Variants in FBN1 observed in about 807,000 individuals in gnomAD.
FBN1 encodes the protein fibrillin 1.
A neutral mutation model predicts 365.1 loss-of-function variants in FBN1; 29 were observed. The observed-to-expected ratio is 0.08, with a 90% CI of 0.06 to 0.11. The LOEUF (loss-of-function observed/expected upper bound fraction) is 0.11. Among genes scored for constraint, FBN1 ranks in the 10% least tolerant of loss-of-function variants. The pLI, the probability that FBN1 is intolerant of heterozygous loss-of-function variation, is 1.00. For missense variants in FBN1, 2,476 were observed against 3,703.2 expected (o/e 0.67, Z 8.60); for synonymous variants, 1,210 against 1,270.5 (o/e 0.95, Z 1.01).
chr15:48,558,665 GCAGA>G (rs1286433391), intron 6 of FBN1, among the ~76,000 whole-genome samples: 2 of 152,152 alleles, frequency 1.3e-5, no homozygotes, highest in Non-Finnish European at 2.9e-5. Flanking sequence ...TATATGAATA[GCAGA>G]CAGATCAGAT....
At chr15:48,560,614 G>A (rs543628095) in intron 6 of FBN1, among the ~76,000 whole-genome samples, 13 of 152,180 alleles carry the variant, frequency 8.5e-5, no homozygotes, top group Admixed American at 2.0e-4. Context: ...TGTTGGCTTT[G>A]TAAGTATTCC....
chr15:48,630,154 G>C (rs1252665563), intron 2 of FBN1, among the ~76,000 whole-genome samples: 1 of 152,162 alleles, frequency 6.6e-6, no homozygotes, highest in Non-Finnish European at 1.5e-5. Context: ...GGTCCTTTTT[G>C]ACATGATTCA....
chr15:48,512,739 T>A (rs2043770872), intron 13 of FBN1, among the ~76,000 whole-genome samples: 1 of 152,136 alleles, frequency 6.6e-6, no homozygotes, highest in Non-Finnish European at 1.5e-5. Flanking sequence ...TGGGCCCTTT[T>A]ATTTAACTTT....
At chr15:48,568,037 GAAAGAAAGAAAGAAGA>G (rs1431211481) in intron 6 of FBN1, among the ~76,000 whole-genome samples, 4 of 70,888 alleles carry the variant, frequency 5.6e-5, no homozygotes, top group South Asian at 4.1e-4. Flanking sequence ...AAGAAAGAAA[GAAAGAAAGAAAGAAGA>G]AAGAAAGAAA....
chr15:48,560,159 G>C (rs956682999), intron 6 of FBN1, among the ~76,000 whole-genome samples: 1 of 152,034 alleles, frequency 6.6e-6, no homozygotes, highest in Non-Finnish European at 1.5e-5. Flanking sequence ...CTGAAACCAC[G>C]CTACGTGTAC....
intron 55 of FBN1, among the ~76,000 whole-genome samples, chr15:48,432,292 A>G (rs1372706908): frequency 1.3e-5 from 2 of 152,232 alleles, no homozygotes; most frequent in Non-Finnish European, 1.5e-5. Context: ...AGATATTGAC[A>G]GGAGCAAATC....
intron 4 of FBN1, among the ~76,000 whole-genome samples, chr15:48,609,248 C>A (rs143927830): frequency 3.0e-4 from 45 of 152,310 alleles, no homozygotes; most frequent in African/African-American, 9.6e-4. Context: ...TGACACCAAG[C>A]TGAGATCAAG....
chr15:48,464,237 A>G (rs558400572), intron 40 of FBN1, among the ~76,000 whole-genome samples: 112 of 152,318 alleles, frequency 7.4e-4, no homozygotes, highest in Non-Finnish European at 1.2e-3. Flanking sequence ...TTGGCTGGGC[A>G]TGGCGGCTCA....
chr15:48,638,074 G>A (rs369627236), intron 2 of FBN1, among the ~76,000 whole-genome samples: 91 of 148,104 alleles, frequency 6.1e-4, no homozygotes, highest in African/African-American at 2.1e-3. Flanking sequence ...TTGTTCTGTC[G>A]CCCAGGCTAG....
intron 63 of FBN1, among the ~76,000 whole-genome samples, chr15:48,418,531 C>T (rs1374629767): frequency 6.6e-6 from 1 of 152,178 alleles, no homozygotes; most frequent in Non-Finnish European, 1.5e-5. Flanking sequence ...TGTGCACTCG[C>T]CCTTTTTATC....
chr15:48,528,618 G>A (rs74011850), intron 8 of FBN1, among the ~76,000 whole-genome samples: 10,942 of 152,164 alleles, frequency 0.072, 1,374 homozygotes, highest in African/African-American at 0.25. Context: ...TTTAGGGTGG[G>A]TGTGGGGAGT....
In FBN1 at chr15:48,600,182, G is replaced by A. The variant is rs363850; in HGVS notation, c.399C>T (p.His133=). The part of the protein sequence containing the change: ...CMNGGSCSDD[H]CLCQKGYIGT... ...CTATGTATCCTTTCTGGCATAGACAGTGATCGTCACTGCAGCTACCTCCAT... is the reference window on the plus strand; with the variant it reads ...CTATGTATCCTTTCTGGCATAGACAATGATCGTCACTGCAGCTACCTCCAT... Residue 133 remains histidine (H), a synonymous_variant, in exon 5 of 66, where the codon CAC becomes CAT. Coordinates refer to ENST00000316623, the MANE Select transcript of FBN1 (RefSeq NM_000138.5). 8 of 1,613,914 alleles carry A rather than the reference G, an allele frequency of 5.0e-6. No homozygotes were observed. Among genetic ancestry groups the A allele is most frequent in the South Asian group, 1.1e-5 (1 of 91,074 alleles).
intron 6 of FBN1, among the ~76,000 whole-genome samples, chr15:48,589,739 G>T (rs141970965): frequency 6.8e-6 from 1 of 147,438 alleles, no homozygotes; most frequent in Non-Finnish European, 1.5e-5. Context: ...TCAGCCTCCC[G>T]AGTAACTGGG....
chr15:48,489,999 G>A lies in FBN1; in HGVS notation c.2934C>T (p.Asp978=), dbSNP rs138438849. The change falls in exon 25 of 66, where the codon GAC becomes GAT. Residue 978 remains aspartate (D), a synonymous_variant. Coordinates refer to ENST00000316623, the MANE Select transcript of FBN1 (RefSeq NM_000138.5). ...TLPIAGRHRM[D]ACCCSVGAAW... ...CTGCCCCGACGGAGCAGCAGCAGGC[G>A]TCCATGCGGTGGCGGCCAGCAATAG... is the stretch of plus-strand genomic sequence containing the variant. 8.1e-6 allele frequency: 13 copies of A among 1,613,976 alleles called. No individual in the cohort carries two copies. The highest frequency in any genetic ancestry group is 6.7e-5 in the East Asian group (3 of 44,884).
intron 12 of FBN1, 143 bp from the exon 13 acceptor site, chr15:48,513,811 T>A: frequency 2.1e-6 from 2 of 937,684 alleles, no homozygotes; most frequent in Non-Finnish European, 3.3e-6. Flanking sequence ...TTCTTTCCAC[T>A]ACAATATGTC....
In FBN1 at chr15:48,435,474, C is replaced by A. The variant is rs563573575; in HGVS notation, c.6497-761G>T. ...GATATAAAATAAAAGACTAAACTTA[C>A]GTAAAATAAAAGACCAGAGGTTAAG... On this transcript the variant is annotated intron_variant, in intron 53 of 65. Coordinates refer to ENST00000316623, the MANE Select transcript of FBN1 (RefSeq NM_000138.5). 3.3e-5 allele frequency among the ~76,000 whole-genome samples: 5 copies of A among 151,762 alleles called. No homozygotes were observed. The East Asian group carries it at 7.7e-4, about 23-fold the overall frequency.
intron 6 of FBN1, among the ~76,000 whole-genome samples, chr15:48,575,323 GTATGT>G (rs2044336735): frequency 1.1e-3 from 1 of 900 alleles, no homozygotes; most frequent in South Asian, 0.019. Flanking sequence ...ATTTACATAT[GTATGT>G]ATGTATGTAT....
At chr15:48,485,340 T>A (rs962941506) in intron 30 of FBN1, 34 bp downstream of exon 30, 2 of 1,613,966 alleles carry the variant, frequency 1.2e-6, no homozygotes, top group African/African-American at 1.3e-5. Context: ...AGGAACCTAC[T>A]GAGAGATTCA....
chr15:48,432,431 G>A (rs1432416128), intron 55 of FBN1, among the ~76,000 whole-genome samples: 3 of 152,134 alleles, frequency 2.0e-5, no homozygotes, highest in Admixed American at 2.0e-4. Context: ...TAGATTCCAC[G>A]TGTTACCCCA....
Sources: gnomAD v4.1 joint callset for allele counts (sites outside exome capture counted in the v4.1 genomes callset) on GRCh38, gnomAD v4.1.1 for gene constraint, MANE v1.5 for transcripts, NCBI Gene and HGNC (gene_info 2026-07-23, HGNC 2026-07-21) for gene names.